The following PIK3R3 variants were observed in gnomAD, a reference collection of about 807,000 sequenced individuals.
PIK3R3 encodes the protein phosphoinositide-3-kinase regulatory subunit 3, also known as phosphatidylinositol 3-kinase regulatory subunit gamma.
PIK3R3 carries 64 observed loss-of-function variants against 62.9 expected under a neutral mutation model. The ratio of observed to expected loss-of-function variants is 1.02; its 90% CI spans 0.83 to 1.25. The LOEUF is 1.25. PIK3R3 is among the 50% of genes most tolerant of loss of function. The probability of loss-of-function intolerance (pLI) is 0.00; values close to 1 mark genes in which losing one functional copy is unlikely to be tolerated. For missense variants in PIK3R3, 614 were observed against 561.6 expected (o/e 1.09, Z -0.94); for synonymous variants, 165 against 189.0 (o/e 0.87, Z 1.04).
the PIK3R3 span, among the ~76,000 whole-genome samples, chr1:46,174,610 G>C: frequency 6.6e-6 from 1 of 152,098 alleles, no homozygotes; most frequent in Admixed American, 6.6e-5. Flanking sequence ...GCCCATGCAT[G>C]ATGCAACATA....
chr1:46,097,733 C>A (rs1652274283), intron 1 of PIK3R3, among the ~76,000 whole-genome samples: 1 of 151,966 alleles, frequency 6.6e-6, no homozygotes, highest in African/African-American at 2.4e-5. Flanking sequence ...ACTAAAAATA[C>A]AAGAAATCAG....
rs1322824972 is a variant in PIK3R3, at chr1:46,131,991, G to A, written c.-39C>T. On this transcript the variant is annotated 5_prime_UTR_variant, in exon 1 of 10. Coordinates refer to ENST00000262741, the MANE Select transcript of PIK3R3 (RefSeq NM_003629.4). ...GCAGGTCGCCAGGAGATATATAGAA[G>A]GCATATATTTTTTATCTGGTATTTA... 1.3e-6 allele frequency: 2 copies of A among 1,593,402 alleles called. No homozygotes were observed. The highest frequency in any genetic ancestry group is 4.5e-5 in the East Asian group (2 of 44,750).
At chr1:46,057,469 G>A (rs1470986126) in intron 6 of PIK3R3, 2 of 152,550 alleles carry the variant, frequency 1.3e-5, no homozygotes, top group Non-Finnish European at 2.9e-5. Context: ...ACAGTTTGGA[G>A]GGCTCAGAAG....
At chr1:46,170,433 G>A in the PIK3R3 span, among the ~76,000 whole-genome samples, 1 of 151,916 alleles carries the variant, frequency 6.6e-6, no homozygotes, top group Non-Finnish European at 1.5e-5. Context: ...TTGTTTGTTT[G>A]TTTTGAGACA....
chr1:46,109,560 T>C (rs1218644778), intron 1 of PIK3R3, among the ~76,000 whole-genome samples: 3 of 152,134 alleles, frequency 2.0e-5, no homozygotes, highest in African/African-American at 7.2e-5. Flanking sequence ...CTCAGCTCAC[T>C]GCAACCTCTG....
At chr1:46,103,141 G>A (rs1225791750) in intron 1 of PIK3R3, among the ~76,000 whole-genome samples, 1 of 152,136 alleles carries the variant, frequency 6.6e-6, no homozygotes, top group African/African-American at 2.4e-5. Context: ...CAAAGTAAAG[G>A]TTGGTTACCA....
chr1:46,055,336 C>T (rs767153582), intron 7 of PIK3R3, among the ~76,000 whole-genome samples: 1 of 152,162 alleles, frequency 6.6e-6, no homozygotes, highest in African/African-American at 2.4e-5. Flanking sequence ...TCTCGAACTC[C>T]GGACCTCAGA....
At chr1:46,067,428 G>A (rs946216300) in intron 3 of PIK3R3, among the ~76,000 whole-genome samples, 6 of 151,572 alleles carry the variant, frequency 4.0e-5, no homozygotes, top group African/African-American at 1.5e-4. Context: ...TATTCTGAAT[G>A]AATTTTCAAA....
chr1:46,059,035 CG>C (rs1368719694), intron 6 of PIK3R3, among the ~76,000 whole-genome samples: 1 of 152,194 alleles, frequency 6.6e-6, no homozygotes, highest in East Asian at 1.9e-4. Context: ...ATCATGGAGG[CG>C]GTTTCCCCAC....
chr1:46,139,826 C>G, the PIK3R3 span, among the ~76,000 whole-genome samples: 1 of 152,158 alleles, frequency 6.6e-6, no homozygotes, highest in Admixed American at 6.5e-5. Flanking sequence ...CTCACACATA[C>G]CACTTGGATC....
the PIK3R3 span, among the ~76,000 whole-genome samples, chr1:46,155,861 T>C: frequency 6.6e-6 from 1 of 152,312 alleles, no homozygotes; most frequent in Admixed American, 6.5e-5. Flanking sequence ...AAATTATAAA[T>C]TCAGATTTCG....
chr1:46,156,708 C>A, the PIK3R3 span, among the ~76,000 whole-genome samples: 1 of 152,124 alleles, frequency 6.6e-6, no homozygotes, highest in Non-Finnish European at 1.5e-5. Context: ...CAGGCCCAAG[C>A]GCCTGTCAAT....
chr1:46,082,029 A>C (rs918662145), intron 1 of PIK3R3, among the ~76,000 whole-genome samples: 4 of 152,186 alleles, frequency 2.6e-5, no homozygotes, highest in Non-Finnish European at 4.4e-5. Context: ...TAAAAGAAAC[A>C]AAGATCGATG....
intron 1 of PIK3R3, among the ~76,000 whole-genome samples, chr1:46,104,619 T>A (rs866127280): frequency 6.6e-6 from 1 of 152,114 alleles, no homozygotes; most frequent in Admixed American, 6.6e-5. Context: ...ACCTTCACAA[T>A]GTTTCCCTTG....
At chr1:46,051,880 A>G (rs1004729494) in intron 7 of PIK3R3, among the ~76,000 whole-genome samples, 2 of 152,060 alleles carry the variant, frequency 1.3e-5, no homozygotes, top group Non-Finnish European at 2.9e-5. Flanking sequence ...ATTAACAAAA[A>G]CAAATAATAC....
In PIK3R3 at chr1:46,042,306, T is replaced by C. The variant is rs561844328; in HGVS notation, c.*1367A>G. On this transcript the variant is annotated 3_prime_UTR_variant, in exon 10 of 10. Coordinates refer to ENST00000262741, the MANE Select transcript of PIK3R3 (RefSeq NM_003629.4). The surrounding 1 kb of genome is among the most constrained non-coding windows in gnomAD (Gnocchi z 4.3). ...AGGCCACTGGAGCAGGAGGGCAGAC[T>C]GCACATAGCCTTAATGGCAGGATCA... is the stretch of plus-strand genomic sequence containing the variant. The C allele has an allele frequency of 6.1e-5, 14 of 229,714 alleles. No individual in the cohort carries two copies. Among genetic ancestry groups the C allele is most frequent in the African/African-American group, 2.7e-4 (12 of 45,258 alleles). The allele number at this position is 229,714 out of a possible 1,614,324, so 14.2% of individuals were successfully genotyped here. A position where few individuals can be genotyped will look rare whatever the true frequency, so the allele number is the denominator to read the frequency against.
In PIK3R3 at chr1:46,043,191, CAA is replaced by C; in HGVS notation, c.*480_*481del. ...ATTTTCCTTTGGTTGTCTTTTTCATCAAATCCCATTCTATCACAAAACCTAAA... is the reference window on the plus strand; with the variant it reads ...ATTTTCCTTTGGTTGTCTTTTTCATCATCCCATTCTATCACAAAACCTAAA... On this transcript the variant is annotated 3_prime_UTR_variant, in exon 10 of 10. Transcript: ENST00000262741. 1 of 232,050 alleles carries C rather than the reference CAA, an allele frequency of 4.3e-6. No individual in the cohort carries two copies. The highest frequency in any genetic ancestry group is 8.5e-6 in the Non-Finnish European group (1 of 117,134). The allele number at this position is 232,050 out of a possible 1,614,324, so 14.4% of individuals were successfully genotyped here.
chr1:46,082,891 C>T (rs1447577346), intron 1 of PIK3R3, among the ~76,000 whole-genome samples: 1 of 151,950 alleles, frequency 6.6e-6, no homozygotes, highest in Non-Finnish European at 1.5e-5. Flanking sequence ...CCAGCCTGGC[C>T]AACATGATTA....
At chr1:46,121,509 T>C (rs1010569215) in intron 1 of PIK3R3, among the ~76,000 whole-genome samples, 9 of 152,148 alleles carry the variant, frequency 5.9e-5, no homozygotes, top group Admixed American at 2.0e-4. Flanking sequence ...TATAAATAAA[T>C]ACGGGTTGGG....
Sources: gnomAD v4.1 joint callset for allele counts (sites outside exome capture counted in the v4.1 genomes callset) on GRCh38, gnomAD v4.1.1 for gene constraint, Gnocchi (gnomAD v3.1) non-coding constraint, MANE v1.5 for transcripts, NCBI Gene and HGNC (gene_info 2026-07-23, HGNC 2026-07-21) for gene names.